The following PRKCE variants were observed in gnomAD, a reference collection of about 807,000 sequenced individuals.
PRKCE encodes the protein protein kinase C epsilon type.
PRKCE carries 16 observed loss-of-function variants against 85.4 expected under a neutral mutation model. That is an observed-to-expected ratio of 0.19 (90% CI 0.13 to 0.28). The LOEUF is 0.28. PRKCE is among the 10% of genes least tolerant of loss of function. PRKCE has a pLI of 1.00. For missense variants in PRKCE, 573 were observed against 975.2 expected (o/e 0.59, Z 5.49); for synonymous variants, 388 against 371.5 (o/e 1.04, Z -0.51).
chr2:46,001,847 A>T lies in PRKCE; in HGVS notation c.966+301A>T, dbSNP rs1323574940. Among the ~76,000 whole-genome samples, 1 of 152,210 alleles carries T rather than the reference A, an allele frequency of 6.6e-6. No homozygotes were observed. The highest frequency in any genetic ancestry group is 1.5e-5 in the Non-Finnish European group (1 of 68,038). On this transcript the variant is annotated intron_variant, in intron 7 of 14. Coordinates refer to ENST00000306156, the MANE Select transcript of PRKCE (RefSeq NM_005400.3). This position sits in a 1 kb window ranked among gnomAD's most constrained non-coding sequence, Gnocchi z 4.4. ...TCTAGAAAAAGCTTAACAACTCCAT[A>T]CAAGGAAATGGACTTATCTGCTTCC... is the stretch of plus-strand genomic sequence containing the variant.
chr2:46,135,773 T>A (rs946348488), intron 11 of PRKCE, among the ~76,000 whole-genome samples: 5 of 122,726 alleles, frequency 4.1e-5, no homozygotes, highest in African/African-American at 1.6e-4. Flanking sequence ...TTTTTTTTTT[T>A]AATGTAGGGG....
intron 2 of PRKCE, among the ~76,000 whole-genome samples, chr2:45,967,155 A>G (rs1439776932): frequency 6.6e-6 from 1 of 152,082 alleles, no homozygotes; most frequent in Non-Finnish European, 1.5e-5. Flanking sequence ...CATGGTGGCC[A>G]TTTCACGCTA....
intron 5 of PRKCE, among the ~76,000 whole-genome samples, chr2:45,983,609 G>T (rs897449491): frequency 6.6e-6 from 1 of 152,290 alleles, no homozygotes; most frequent in Non-Finnish European, 1.5e-5. Context: ...GACACTGGGT[G>T]GGACAGGGTA....
At chr2:45,683,045 G>T (rs188222957) in intron 1 of PRKCE, among the ~76,000 whole-genome samples, 1 of 152,288 alleles carries the variant, frequency 6.6e-6, no homozygotes, top group East Asian at 1.9e-4. Context: ...GGAATAGTTT[G>T]TAATGGCCTT....
At position 45,999,200 on chromosome 2, in the gene PRKCE, C is replaced by A. The variant is rs138119270; in HGVS notation, c.824-2204C>A. On this transcript the variant is annotated intron_variant, in intron 6 of 14. Transcript: ENST00000306156. ...ACCTGCTCTCTTTTTCATGTAGATC[C>A]AAGTTTCTGAGCTGTATCATTTGTC... is the stretch of plus-strand genomic sequence containing the variant. Among the ~76,000 whole-genome samples, 4 of 152,134 alleles carry A rather than the reference C, an allele frequency of 2.6e-5. No homozygotes were observed. The East Asian group carries it at 7.7e-4, about 29-fold the overall frequency.
intron 2 of PRKCE, among the ~76,000 whole-genome samples, chr2:45,893,113 A>T (rs899209027): frequency 1.3e-5 from 2 of 152,224 alleles, no homozygotes; most frequent in Non-Finnish European, 2.9e-5. Context: ...GTTCACATGC[A>T]GAAGAATGAG....
rs1675344424 is a variant in PRKCE at position 46,139,894 on chromosome 2, C to T, written c.1593-5199C>T. On this transcript the variant is annotated intron_variant, in intron 11 of 14. Coordinates refer to ENST00000306156, the MANE Select transcript of PRKCE (RefSeq NM_005400.3). This position sits in a 1 kb window ranked among gnomAD's most constrained non-coding sequence, Gnocchi z 5.2. ...TTAATTCTAGTTCATGGCTGCGTAG[C>T]TATGTGCCTGGCTTAAAAAATAGAA... Among the ~76,000 whole-genome samples, 1 of 152,010 alleles carries T rather than the reference C, an allele frequency of 6.6e-6. No homozygotes were observed. Among genetic ancestry groups the T allele is most frequent in the Non-Finnish European group, 1.5e-5 (1 of 68,002 alleles).
At position 45,901,516 on chromosome 2, in the gene PRKCE, CT is replaced by C. The variant is rs1437498414; in HGVS notation, c.412+58455del. Among the ~76,000 whole-genome samples the C allele has an allele frequency of 7.8e-4, 119 of 152,260 alleles. 1 individual carries two copies. Among genetic ancestry groups the C allele is most frequent in the Non-Finnish European group, 1.0e-4 (7 of 68,012 alleles). ...CAACGTATGGCTGATAGATTTTTAA[CT>C]TGTCATTTAGAAGATCAGTCTATTT... On this transcript the variant is annotated intron_variant, in intron 2 of 14. Transcript: ENST00000306156.
chr2:46,064,722 A>G (rs1273024448), intron 10 of PRKCE, among the ~76,000 whole-genome samples: 1 of 152,262 alleles, frequency 6.6e-6, no homozygotes, highest in Non-Finnish European at 1.5e-5. Context: ...AAAACTGGTA[A>G]CATATAATAA....
chr2:45,866,102 G>T (rs1162604975), intron 2 of PRKCE, among the ~76,000 whole-genome samples: 1 of 152,030 alleles, frequency 6.6e-6, no homozygotes, highest in Non-Finnish European at 1.5e-5. Flanking sequence ...TTACAGGCAT[G>T]AGCCACCGTG....
At chr2:45,710,030 C>A (rs534654407) in intron 1 of PRKCE, among the ~76,000 whole-genome samples, 1 of 152,158 alleles carries the variant, frequency 6.6e-6, no homozygotes, top group African/African-American at 2.4e-5. Context: ...AGACTGGTCT[C>A]GAACCCCTGA....
intron 1 of PRKCE, among the ~76,000 whole-genome samples, chr2:45,672,322 C>G (rs1676211176): frequency 6.6e-6 from 1 of 151,930 alleles, no homozygotes; most frequent in Non-Finnish European, 1.5e-5. Context: ...ATCCATCCAT[C>G]CACCCATCAA....
intron 10 of PRKCE, among the ~76,000 whole-genome samples, chr2:46,072,985 T>G (rs1029285665): frequency 3.3e-5 from 5 of 152,186 alleles, no homozygotes; most frequent in African/African-American, 1.2e-4. Flanking sequence ...AGGAAGTACC[T>G]GGGGAATTCA....
intron 1 of PRKCE, among the ~76,000 whole-genome samples, chr2:45,735,659 A>G (rs1470375003): frequency 6.6e-6 from 1 of 152,238 alleles, no homozygotes; most frequent in Non-Finnish European, 1.5e-5. Context: ...GGGAAGTGGC[A>G]GGAAAGCAAA....
At chr2:46,076,360 G>A (rs1668560278) in intron 10 of PRKCE, among the ~76,000 whole-genome samples, 1 of 152,162 alleles carries the variant, frequency 6.6e-6, no homozygotes. Context: ...AGTGTTCTCT[G>A]ATCTATTGGA....
At chr2:46,020,748 A>T (rs1177299070) in intron 10 of PRKCE, among the ~76,000 whole-genome samples, 4 of 152,238 alleles carry the variant, frequency 2.6e-5, no homozygotes, top group Non-Finnish European at 5.9e-5. Flanking sequence ...CTTTTGAGGC[A>T]CAGTTGGGAG....
intron 1 of PRKCE, among the ~76,000 whole-genome samples, chr2:45,747,226 A>G (rs577066948): frequency 6.6e-6 from 1 of 152,358 alleles, no homozygotes; most frequent in African/African-American, 2.4e-5. Flanking sequence ...CACATGGCAT[A>G]AAATTTATCA....
chr2:45,651,403 C>G (rs929397937), upstream of PRKCE: 2 of 151,796 alleles, frequency 1.3e-5, no homozygotes, highest in African/African-American at 2.4e-5. Flanking sequence ...TGGCGCCTCC[C>G]GATCGCCGGC....
intron 1 of PRKCE, among the ~76,000 whole-genome samples, chr2:45,682,199 C>G (rs1676957582): frequency 1.3e-5 from 2 of 152,188 alleles, no homozygotes; most frequent in African/African-American, 2.4e-5. Flanking sequence ...GTTTGAACTT[C>G]ATAATATGAT....
Sources: gnomAD v4.1 joint callset for allele counts (sites outside exome capture counted in the v4.1 genomes callset) on GRCh38, gnomAD v4.1.1 for gene constraint, Gnocchi (gnomAD v3.1) non-coding constraint, MANE v1.5 for transcripts, NCBI Gene and HGNC (gene_info 2026-07-23, HGNC 2026-07-21) for gene names.